The following CHRNA7 variants were observed in gnomAD, a reference collection of about 807,000 sequenced individuals.
CHRNA7 encodes cholinergic receptor nicotinic alpha 7 subunit, also known as neuronal acetylcholine receptor subunit alpha-7.
In CHRNA7, 17 loss-of-function variants were observed where a neutral mutation model predicts 48.0. That is an observed-to-expected ratio of 0.35 (90% CI 0.24 to 0.53). The LOEUF (loss-of-function observed/expected upper bound fraction) is 0.53, where lower values mean the gene tolerates loss of function less well. Ranked by LOEUF, CHRNA7 falls within the 20% of genes least tolerant of loss-of-function variation. CHRNA7 has a pLI of 0.92. For missense variants in CHRNA7, 155 were observed against 577.7 expected (o/e 0.27, Z 7.50); for synonymous variants, 75 against 242.3 (o/e 0.31, Z 6.41).
intron 4 of CHRNA7, among the ~76,000 whole-genome samples, chr15:32,150,559 T>A (rs1027754765): frequency 3.3e-5 from 5 of 152,208 alleles, no homozygotes; most frequent in Admixed American, 2.0e-4. Flanking sequence ...AGGCTTTAGT[T>A]TAACTTCCAT....
intron 4 of CHRNA7, among the ~76,000 whole-genome samples, chr15:32,143,609 G>A (rs1163706102): frequency 6.6e-6 from 1 of 152,140 alleles, no homozygotes; most frequent in African/African-American, 2.4e-5. Context: ...TCCTGTATTA[G>A]GTGCATATAT....
chr15:32,042,708 C>T (rs2049471134), intron 2 of CHRNA7, among the ~76,000 whole-genome samples: 1 of 152,112 alleles, frequency 6.6e-6, no homozygotes, highest in African/African-American at 2.4e-5. Context: ...TGTTTGTCCC[C>T]CTAATCTTGA....
At chr15:32,136,933 G>A (rs2051272753) in intron 4 of CHRNA7, among the ~76,000 whole-genome samples, 1 of 149,006 alleles carries the variant, frequency 6.7e-6, no homozygotes, top group Non-Finnish European at 1.5e-5. Flanking sequence ...TTGGGAGGCT[G>A]AGGCAGGAGA....
intron 2 of CHRNA7, among the ~76,000 whole-genome samples, chr15:32,084,118 T>A (rs918922846): frequency 5.9e-5 from 9 of 152,172 alleles, no homozygotes; most frequent in African/African-American, 2.2e-4. Context: ...TACAAGTCTA[T>A]AAGAGAAGGA....
chr15:32,076,910 A>G (rs1173843436), intron 2 of CHRNA7, among the ~76,000 whole-genome samples: 1 of 152,112 alleles, frequency 6.6e-6, no homozygotes, highest in African/African-American at 2.4e-5. Flanking sequence ...CTGCCCCCCA[A>G]GTCTTCTCTG....
At position 32,140,097 on chromosome 15, in the gene CHRNA7, G is replaced by A. The variant is rs188209416; in HGVS notation, c.351-13810G>A. ...AGCCCCCCACCCCCCGAGAGGCCCC[G>A]GTGTGTGATGTTCCCTGCCCTGTGT... is the stretch of plus-strand genomic sequence containing the variant. On this transcript the variant is annotated intron_variant, in intron 4 of 9. Transcript: ENST00000306901. 9.5e-3 allele frequency among the ~76,000 whole-genome samples: 958 copies of A among 101,090 alleles called. 8 individuals carry two copies. The highest frequency in any genetic ancestry group is 0.034 in the African/African-American group (914 of 26,524). 66.3% of individuals were successfully genotyped at this position (101,090 alleles called of 152,430 possible).
At chr15:32,105,852 T>C (rs924176471) in intron 3 of CHRNA7, among the ~76,000 whole-genome samples, 3 of 152,174 alleles carry the variant, frequency 2.0e-5, no homozygotes, top group African/African-American at 7.2e-5. Context: ...TGTAACACTG[T>C]CTCCCAACTG....
chr15:32,103,911 G>T (rs750322112), intron 3 of CHRNA7, among the ~76,000 whole-genome samples: 8 of 152,138 alleles, frequency 5.3e-5, no homozygotes, highest in Non-Finnish European at 1.2e-4. Context: ...AGCTTGACCT[G>T]CAAAACCGAT....
intron 2 of CHRNA7, among the ~76,000 whole-genome samples, chr15:32,067,547 G>A (rs2049985771): frequency 1.3e-5 from 2 of 151,960 alleles, no homozygotes; most frequent in Admixed American, 1.3e-4. Context: ...AATGAAAGGA[G>A]GGTAATTGGG....
intron 2 of CHRNA7, among the ~76,000 whole-genome samples, chr15:32,078,220 A>G (rs955712570): frequency 6.6e-6 from 1 of 152,088 alleles, no homozygotes; most frequent in Non-Finnish European, 1.5e-5. Flanking sequence ...GAAGTTTTTA[A>G]TTTTAATGAA....
chr15:32,051,080 C>A (rs929078132), intron 2 of CHRNA7, among the ~76,000 whole-genome samples: 1 of 151,852 alleles, frequency 6.6e-6, no homozygotes, highest in Non-Finnish European at 1.5e-5. Flanking sequence ...CCCAGTTAGG[C>A]TGCTCGGGGG....
intron 2 of CHRNA7, among the ~76,000 whole-genome samples, chr15:32,035,758 A>G (rs955197834): frequency 1.3e-5 from 2 of 152,256 alleles, no homozygotes; most frequent in Non-Finnish European, 2.9e-5. Flanking sequence ...AGGTATAATC[A>G]GGTATTGATC....
rs950659591 is a variant in CHRNA7, at chr15:32,109,933, A to G, written c.241-1857A>G. On this transcript the variant is annotated intron_variant, in intron 3 of 9. Transcript: ENST00000306901. Reference sequence around the variant, plus strand: ...GACGAGGTCTGGGTTTGACCATCCAAGCACTCCCATTCCCATTCCCAGTTC... The same window carrying G: ...GACGAGGTCTGGGTTTGACCATCCAGGCACTCCCATTCCCATTCCCAGTTC... Among the ~76,000 whole-genome samples, 25 of 152,254 alleles carry G rather than the reference A, an allele frequency of 1.6e-4. 1 individual carries two copies. Among genetic ancestry groups the G allele is most frequent in the Middle Eastern group, 3.4e-3 (1 of 294 alleles).
At chr15:32,136,711 G>A (rs2051265029) in intron 4 of CHRNA7, among the ~76,000 whole-genome samples, 1 of 151,724 alleles carries the variant, frequency 6.6e-6, no homozygotes, top group South Asian at 2.1e-4. Context: ...TTCCAAACAA[G>A]TAGGGGTCGA....
At chr15:32,115,690 G>A (rs2050858187) in intron 4 of CHRNA7, among the ~76,000 whole-genome samples, 1 of 152,080 alleles carries the variant, frequency 6.6e-6, no homozygotes, top group Non-Finnish European at 1.5e-5. Context: ...TCTCTGTCAC[G>A]TAGAAAAGGA....
chr15:32,092,228 A>C (rs901218022), intron 2 of CHRNA7, among the ~76,000 whole-genome samples: 1 of 151,960 alleles, frequency 6.6e-6, no homozygotes, highest in African/African-American at 2.4e-5. Flanking sequence ...TTCTCATCTA[A>C]CTACGTAATA....
intron 3 of CHRNA7, among the ~76,000 whole-genome samples, chr15:32,108,495 G>T (rs562216403): frequency 6.6e-6 from 1 of 152,194 alleles, no homozygotes; most frequent in Admixed American, 6.5e-5. Flanking sequence ...TGCTTTCAGA[G>T]AACAACCTTT....
chr15:32,133,784 G>T (rs957637892), intron 4 of CHRNA7, among the ~76,000 whole-genome samples: 14 of 152,160 alleles, frequency 9.2e-5, no homozygotes, highest in Non-Finnish European at 1.9e-4. Flanking sequence ...GGCATGCAAA[G>T]TGGTCTGATC....
rs1000689868 is a variant in CHRNA7, at chr15:32,113,360, G to C, written c.350+1461G>C. 5.3e-5 allele frequency among the ~76,000 whole-genome samples: 8 copies of C among 152,086 alleles called. No individual in the cohort carries two copies. The South Asian group carries it at 1.2e-3, about 24-fold the overall frequency. ...CTTTTACTTTAATTACCTTTTTAAA[G>C]GTTCTGTCTTCAAATAGAGCCACAC... On this transcript the variant is annotated intron_variant, in intron 4 of 9. Coordinates refer to ENST00000306901, the MANE Select transcript of CHRNA7 (RefSeq NM_000746.6).
Sources: allele counts gnomAD v4.1 joint callset (sites outside exome capture counted in the v4.1 genomes callset), GRCh38; gene constraint gnomAD v4.1.1; transcripts MANE v1.5; gene names NCBI Gene and HGNC (gene_info 2026-07-23, HGNC 2026-07-21).